SOBP: variants seen among roughly 807,000 people sequenced by gnomAD.
The protein encoded by SOBP is sine oculis binding protein homolog, also known as sine oculis-binding protein homolog.
A neutral mutation model predicts 53.6 loss-of-function variants in SOBP; 4 were observed. The ratio of observed to expected loss-of-function variants is 0.07; its 90% confidence interval spans 0.04 to 0.17. SOBP has a LOEUF of 0.17. Ranked by LOEUF, SOBP falls within the 10% of genes least tolerant of loss-of-function variation. The pLI, the probability that SOBP is intolerant of heterozygous loss-of-function variation, is 1.00. For synonymous variants in SOBP, 584 were observed against 522.6 expected, an observed-to-expected ratio of 1.12 and a Z score of -1.60; for missense variants, 1,088 against 1,204.7, an observed-to-expected ratio of 0.90 and a Z score of 1.43.
chr6:107,633,649 G>C lies in SOBP; in HGVS notation c.805G>C (p.Ala269Pro). 6.2e-7 allele frequency: 1 copy of C among 1,614,214 alleles called. No homozygotes were observed. Among genetic ancestry groups the C allele is most frequent in the Non-Finnish European group, 8.5e-7 (1 of 1,180,034 alleles). Residue 269 changes from alanine to proline, a missense_variant, in exon 6 of 7, where the codon GCC becomes CCC. Physicochemically the swap from Ala to Pro is conservative, Grantham distance 27. Coordinates refer to ENST00000317357, the MANE Select transcript of SOBP (RefSeq NM_018013.4). ...GGACATTTTCTACAAAGAGACCCAGGCCAATCTTCCAGCTGGGCTGTGCAG... is the reference window on the plus strand; with the variant it reads ...GGACATTTTCTACAAAGAGACCCAGCCCAATCTTCCAGCTGGGCTGTGCAG... ...KMDIFYKETQANLPAGLCSTL... is the reference protein window; with the variant it reads ...KMDIFYKETQPNLPAGLCSTL...
At chr6:107,520,879 A>G (rs575387851) in intron 3 of SOBP, among the ~76,000 whole-genome samples, 116 of 152,328 alleles carry the variant, frequency 7.6e-4, no homozygotes, top group African/African-American at 2.7e-3. Context: ...CTTGGCCAAG[A>G]GGATTTGAAG....
At chr6:107,631,704 G>C (rs1213852590) in intron 5 of SOBP, among the ~76,000 whole-genome samples, 1 of 152,104 alleles carries the variant, frequency 6.6e-6, no homozygotes, top group African/African-American at 2.4e-5. Flanking sequence ...TTTAATAACT[G>C]CAACAGTTTT....
At chr6:107,585,826 C>G (rs1249825595) in intron 4 of SOBP, among the ~76,000 whole-genome samples, 2 of 152,160 alleles carry the variant, frequency 1.3e-5, no homozygotes, top group Non-Finnish European at 2.9e-5. Flanking sequence ...GGATCTCTTT[C>G]TAAAATGACA....
At chr6:107,517,711 C>A (rs1168368117) in intron 3 of SOBP, among the ~76,000 whole-genome samples, 1 of 152,160 alleles carries the variant, frequency 6.6e-6, no homozygotes, top group African/African-American at 2.4e-5. Flanking sequence ...TCATTCATAA[C>A]AAATTGTAGA....
chr6:107,542,239 G>A (rs748605339), intron 4 of SOBP, among the ~76,000 whole-genome samples: 8 of 152,266 alleles, frequency 5.3e-5, no homozygotes, highest in South Asian at 2.1e-4. Flanking sequence ...AGGAGGTGAC[G>A]TGTGCTGGGG....
In SOBP at chr6:107,635,720, C is replaced by T. The variant is rs1447904191; in HGVS notation, c.*3+251C>T. Among the ~76,000 whole-genome samples the T allele has an allele frequency of 1.3e-5, 2 of 152,186 alleles. No homozygotes were observed. Among genetic ancestry groups the T allele is most frequent in the African/African-American group, 2.4e-5 (1 of 41,446 alleles). ...TGAGTGCCAAGCCCCGGGTCACTTA[C>T]TTGAGGGGAGAGCTCAGTCTCCAAC... On this transcript the variant is annotated intron_variant, in intron 6 of 6. Coordinates refer to ENST00000317357, the MANE Select transcript of SOBP (RefSeq NM_018013.4). This position sits in a 1 kb window ranked among gnomAD's most constrained non-coding sequence, Gnocchi z 4.5.
intron 1 of SOBP, among the ~76,000 whole-genome samples, chr6:107,498,738 A>G (rs200880826): frequency 1.3e-5 from 2 of 152,242 alleles, no homozygotes; most frequent in Admixed American, 1.3e-4. Flanking sequence ...AAGACATAGT[A>G]AAATTTAGTT....
At chr6:107,556,537 C>G (rs1784614583) in intron 4 of SOBP, among the ~76,000 whole-genome samples, 1 of 152,192 alleles carries the variant, frequency 6.6e-6, no homozygotes, top group African/African-American at 2.4e-5. Context: ...TTGGAGGTAT[C>G]CAACGAGGTA....
chr6:107,538,690 C>T (rs1424087995), intron 4 of SOBP, among the ~76,000 whole-genome samples: 1 of 152,210 alleles, frequency 6.6e-6, no homozygotes, highest in African/African-American at 2.4e-5. Flanking sequence ...GGGTTTTAGT[C>T]TGCAGGCCAG....
At chr6:107,531,684 A>C (rs932783687) in intron 3 of SOBP, among the ~76,000 whole-genome samples, 1 of 152,156 alleles carries the variant, frequency 6.6e-6, no homozygotes. Context: ...GAATAGAACA[A>C]ATTATTAAAT....
rs528609340 is a variant in SOBP at position 107,657,431 on chromosome 6, C to T, written c.*4-776C>T. Reference sequence around the variant, plus strand: ...TTTGGATGTGAAGAGATGTGAATGGCTCACCTTTTACAGGCAAGACCCACA... The same window carrying T: ...TTTGGATGTGAAGAGATGTGAATGGTTCACCTTTTACAGGCAAGACCCACA... On this transcript the variant is annotated intron_variant, in intron 6 of 6. Coordinates refer to ENST00000317357, the MANE Select transcript of SOBP (RefSeq NM_018013.4). Among the ~76,000 whole-genome samples, 4 of 152,280 alleles carry T rather than the reference C, an allele frequency of 2.6e-5. No individual in the cohort carries two copies. The South Asian group carries it at 8.3e-4, about 32-fold the overall frequency.
chr6:107,615,164 C>T (rs1258146886), intron 5 of SOBP, among the ~76,000 whole-genome samples: 1 of 152,130 alleles, frequency 6.6e-6, no homozygotes, highest in Non-Finnish European at 1.5e-5. Context: ...CATGCAGCCA[C>T]ATTAGTGAGG....
chr6:107,535,660 A>G (rs1232333671), intron 4 of SOBP, among the ~76,000 whole-genome samples: 2 of 150,344 alleles, frequency 1.3e-5, no homozygotes, highest in Non-Finnish European at 3.0e-5. Flanking sequence ...CCAAATAGAG[A>G]AATAAACTAG....
intron 4 of SOBP, among the ~76,000 whole-genome samples, chr6:107,566,733 G>A (rs1374897818): frequency 1.3e-5 from 2 of 152,168 alleles, no homozygotes; most frequent in Admixed American, 6.5e-5. Flanking sequence ...TGTCCTCTCA[G>A]TTCAGCTCCC....
In SOBP at chr6:107,635,093, C is replaced by G. The variant is rs780734733; in HGVS notation, c.2249C>G (p.Pro750Arg). 1 of 1,595,948 alleles carries G rather than the reference C, an allele frequency of 6.3e-7. No individual in the cohort carries two copies. The highest frequency in any genetic ancestry group is 8.5e-7 in the Non-Finnish European group (1 of 1,171,772). ...CCCGAGCAGCCGCCGCCGCCGCCGC[C>G]GCCCGCGCCCCCCAAGAAGCTGCTG... The part of the protein sequence containing the change: ...PPPEQPPPPP[P>R]PAPPKKLLSP... Residue 750 changes from proline to arginine, a missense_variant, in exon 6 of 7, where the codon CCG becomes CGG. Pro to Arg is a moderately radical substitution (Grantham distance 103). Transcript: ENST00000317357. The surrounding 1 kb of genome is among the most constrained non-coding windows in gnomAD (Gnocchi z 4.5).
intron 4 of SOBP, among the ~76,000 whole-genome samples, chr6:107,579,215 G>T (rs117209045): frequency 1.3e-5 from 2 of 152,126 alleles, no homozygotes; most frequent in African/African-American, 4.8e-5. Context: ...ATCCAGTGTC[G>T]ATTAAGCTTC....
intron 6 of SOBP, among the ~76,000 whole-genome samples, chr6:107,637,201 C>T (rs1771084933): frequency 6.6e-6 from 1 of 152,212 alleles, no homozygotes; most frequent in Admixed American, 6.5e-5. Flanking sequence ...AAATTACCAA[C>T]CCATTACTCC....
chr6:107,535,613 TTGTGTGTGTGTG>T (rs561695029), intron 4 of SOBP, among the ~76,000 whole-genome samples: 2 of 148,006 alleles, frequency 1.4e-5, no homozygotes, highest in African/African-American at 2.5e-5. Context: ...CTATGCCTTC[TTGTGTGTGTGTG>T]TGTGTGTGTG....
intron 1 of SOBP, among the ~76,000 whole-genome samples, chr6:107,493,575 G>A (rs1254720517): frequency 1.3e-5 from 2 of 152,216 alleles, no homozygotes; most frequent in Admixed American, 6.5e-5. Flanking sequence ...TGGTTGGATT[G>A]AGTTGCTTCT....
Sources: gnomAD v4.1 joint callset for allele counts (sites outside exome capture counted in the v4.1 genomes callset) on GRCh38, gnomAD v4.1.1 for gene constraint, Gnocchi (gnomAD v3.1) non-coding constraint, MANE v1.5 for transcripts, NCBI Gene and HGNC (gene_info 2026-07-23, HGNC 2026-07-21) for gene names.